Variants in DLGAP2 observed in about 807,000 individuals in gnomAD.
DLGAP2 encodes the protein DLG associated protein 2, also known as disks large-associated protein 2.
DLGAP2 carries 26 observed loss-of-function variants against 100.3 expected under a neutral mutation model. The ratio of observed to expected loss-of-function variants is 0.26; its 90% CI spans 0.19 to 0.36. The LOEUF (loss-of-function observed/expected upper bound fraction) is 0.36, where lower values mean the gene tolerates loss of function less well. DLGAP2 is among the 10% of genes least tolerant of loss of function. The pLI is 1.00. For missense variants in DLGAP2, 1,858 were observed against 1,453.2 expected (o/e 1.28, Z -4.53); for synonymous variants, 886 against 630.1 (o/e 1.41, Z -6.08).
chr8:1,223,265 C>T lies in DLGAP2; in HGVS notation c.74-35586C>T, dbSNP rs566163978. ...GCCAGGGATCTGTGTCCTCACTGTC[C>T]ACTTTGAAAGCCTTTTTTCCAAGGA... On this transcript the variant is annotated intron_variant, in intron 2 of 14. Transcript: ENST00000637795. Among the ~76,000 whole-genome samples, 7 of 152,276 alleles carry T rather than the reference C, an allele frequency of 4.6e-5. No individual in the cohort carries two copies. In the South Asian group the frequency reaches 1.2e-3, roughly 27 times the overall value.
At chr8:1,180,346 G>T (rs1396786925) in intron 2 of DLGAP2, among the ~76,000 whole-genome samples, 2 of 152,296 alleles carry the variant, frequency 1.3e-5, no homozygotes, top group African/African-American at 4.8e-5. Context: ...CTGGCCACCA[G>T]AAGCACGCTT....
At chr8:1,536,477 TG>T in intron 4 of DLGAP2, among the ~76,000 whole-genome samples, 1 of 152,314 alleles carries the variant, frequency 6.6e-6, no homozygotes, top group Non-Finnish European at 1.5e-5. Flanking sequence ...AATTTTCAAG[TG>T]AACGAAAAGA....
At chr8:1,419,274 C>G (rs1347581878) in intron 3 of DLGAP2, among the ~76,000 whole-genome samples, 1 of 143,132 alleles carries the variant, frequency 7.0e-6, no homozygotes, top group African/African-American at 2.7e-5. Context: ...TTTTGGTTGA[C>G]TCACAGTAAT....
intron 2 of DLGAP2, among the ~76,000 whole-genome samples, chr8:938,845 G>T (rs1799132207): frequency 6.6e-6 from 1 of 152,218 alleles, no homozygotes; most frequent in African/African-American, 2.4e-5. Context: ...CCAAGGAGAG[G>T]GCAGAGGATG....
chr8:914,853 C>G (rs1303362946), intron 2 of DLGAP2, among the ~76,000 whole-genome samples: 1 of 152,158 alleles, frequency 6.6e-6, no homozygotes, highest in African/African-American at 2.4e-5. Flanking sequence ...ATTCCTGGGA[C>G]CTTTCTGTGT....
At chr8:1,410,659 A>G (rs535999142) in intron 3 of DLGAP2, among the ~76,000 whole-genome samples, 2 of 152,348 alleles carry the variant, frequency 1.3e-5, no homozygotes, top group South Asian at 2.1e-4. Context: ...GCAGCAGCAC[A>G]TAAGTGTGTT....
intron 5 of DLGAP2, among the ~76,000 whole-genome samples, chr8:1,559,696 C>G (rs1244812365): frequency 6.6e-6 from 1 of 152,222 alleles, no homozygotes; most frequent in Non-Finnish European, 1.5e-5. Flanking sequence ...CAAAGTGAAT[C>G]TCTTCTTTGA....
At chr8:1,609,138 G>C (rs931900481) in intron 6 of DLGAP2, among the ~76,000 whole-genome samples, 1 of 132,954 alleles carries the variant, frequency 7.5e-6, no homozygotes, top group Non-Finnish European at 1.7e-5. Flanking sequence ...GGCAGCCAGA[G>C]AGAAAGGTCG....
chr8:1,253,965 T>C (rs1449801647), intron 2 of DLGAP2, among the ~76,000 whole-genome samples: 2 of 152,212 alleles, frequency 1.3e-5, no homozygotes, highest in Admixed American at 6.5e-5. Flanking sequence ...CCTGAATCTG[T>C]GGTCAGTTTT....
intron 6 of DLGAP2, among the ~76,000 whole-genome samples, chr8:1,578,647 G>GA (rs763733798): frequency 2.0e-5 from 3 of 152,080 alleles, no homozygotes; most frequent in East Asian, 1.9e-4. Context: ...GTAAAACTGA[G>GA]AAAAAATCAG....
At chr8:1,160,665 T>A (rs1340094978) in intron 2 of DLGAP2, among the ~76,000 whole-genome samples, 1 of 152,220 alleles carries the variant, frequency 6.6e-6, no homozygotes, top group Non-Finnish European at 1.5e-5. Context: ...CTTAAATGTG[T>A]GTGTAATGAG....
At chr8:1,370,930 A>G (rs926796593) in intron 3 of DLGAP2, among the ~76,000 whole-genome samples, 1 of 152,268 alleles carries the variant, frequency 6.6e-6, no homozygotes, top group Non-Finnish European at 1.5e-5. Flanking sequence ...CACCATGGAT[A>G]GAATTTGAAT....
At chr8:741,226 T>C (rs1483398403) in intron 1 of DLGAP2, among the ~76,000 whole-genome samples, 1 of 152,254 alleles carries the variant, frequency 6.6e-6, no homozygotes, top group African/African-American at 2.4e-5. Flanking sequence ...GGCTTTGGCA[T>C]TGACCAGGCA....
At chr8:741,989 G>A (rs1033019600) in intron 1 of DLGAP2, among the ~76,000 whole-genome samples, 1 of 152,244 alleles carries the variant, frequency 6.6e-6, no homozygotes, top group African/African-American at 2.4e-5. Context: ...CGGCTGTTAT[G>A]CAGAGAGCTT....
In DLGAP2 at chr8:1,549,156, T is replaced by G. The variant is rs776534466; in HGVS notation, c.703T>G (p.Ser235Ala). The change falls in exon 5 of 15, where the codon TCC becomes GCC. Residue 235 changes from serine to alanine, a missense_variant. By Grantham distance (99) the Ser-to-Ala change is moderately conservative (BLOSUM62 1). Transcript: ENST00000637795. ...SPGRIRHLVH[S>A]VQKLFTKSHS... ...CGGGCGGATCCGCCACCTGGTACAC[T>G]CCGTGCAGAAGCTCTTCACCAAGTC... 6.3e-7 allele frequency: 1 copy of G among 1,596,260 alleles called. No homozygotes were observed. The highest frequency in any genetic ancestry group is 2.3e-5 in the East Asian group (1 of 43,930).
In DLGAP2 at chr8:1,356,926, C is replaced by T. The variant is rs545709928; in HGVS notation, c.106+98043C>T. On this transcript the variant is annotated intron_variant, in intron 3 of 14. Transcript: ENST00000637795. ...GTGTCTACAGTGCCCGTGTCTACAG[C>T]GCACGTTCATTCGGCAAACCCGCGA... Among the ~76,000 whole-genome samples, 54 of 152,286 alleles carry T rather than the reference C, an allele frequency of 3.5e-4. 1 individual carries two copies. Among genetic ancestry groups the T allele is most frequent in the African/African-American group, 1.2e-3 (49 of 41,564 alleles).
chr8:1,041,094 T>C (rs1802334305), intron 2 of DLGAP2, among the ~76,000 whole-genome samples: 2 of 152,210 alleles, frequency 1.3e-5, no homozygotes, highest in South Asian at 4.1e-4. Context: ...TCCTCTTTCC[T>C]AAGGGGAGGT....
intron 1 of DLGAP2, among the ~76,000 whole-genome samples, chr8:870,336 T>A (rs1797574058): frequency 6.6e-6 from 1 of 152,158 alleles, no homozygotes; most frequent in South Asian, 2.1e-4. Flanking sequence ...GTACTGGACA[T>A]CTTCACTGAG....
intron 3 of DLGAP2, among the ~76,000 whole-genome samples, chr8:1,263,166 C>T (rs1022389322): frequency 3.9e-5 from 6 of 152,044 alleles, no homozygotes; most frequent in South Asian, 2.1e-4. Context: ...CTTTAGCAAT[C>T]GAGGCCTCAA....
Sources: gnomAD v4.1 joint callset for allele counts (sites outside exome capture counted in the v4.1 genomes callset) on GRCh38, gnomAD v4.1.1 for gene constraint, MANE v1.5 for transcripts, NCBI Gene and HGNC (gene_info 2026-07-23, HGNC 2026-07-21) for gene names.